The following RPS6KA2 variants were observed in gnomAD, a reference collection of about 807,000 sequenced individuals.
The protein encoded by RPS6KA2 is ribosomal protein S6 kinase A2.
In RPS6KA2, 42 loss-of-function variants were observed where a neutral mutation model predicts 91.8. The observed-to-expected ratio is 0.46, with a 90% CI of 0.36 to 0.59. The LOEUF is 0.59. Among genes scored for constraint, RPS6KA2 ranks in the 20% least tolerant of loss-of-function variants. The probability of loss-of-function intolerance (pLI) is 0.00; values close to 1 mark genes in which losing one functional copy is unlikely to be tolerated. For missense variants in RPS6KA2, 798 were observed against 978.5 expected (o/e 0.82, Z 2.46); for synonymous variants, 414 against 393.6 (o/e 1.05, Z -0.61).
chr6:166,423,169 C>A lies in RPS6KA2; in HGVS notation c.1743+87G>T. 7.1e-7 allele frequency: 1 copy of A among 1,413,414 alleles called. No homozygotes were observed. The highest frequency in any genetic ancestry group is 1.3e-5 in the South Asian group (1 of 74,226). The allele number at this position is 1,413,414 out of a possible 1,614,324, so 87.6% of individuals were successfully genotyped here. A position where few individuals can be genotyped will look rare whatever the true frequency, so the allele number is the denominator to read the frequency against. On this transcript the variant is annotated intron_variant, in intron 17 of 20. Coordinates refer to ENST00000265678, the MANE Select transcript of RPS6KA2 (RefSeq NM_021135.6). The surrounding 1 kb of genome is among the most constrained non-coding windows in gnomAD (Gnocchi z 4.8). ...GCAGCTCAAGCCGCCTCTGACATCCCCGCTGTCCGGTGGCTCTGCAGTGGG... is the reference window on the plus strand; with the variant it reads ...GCAGCTCAAGCCGCCTCTGACATCCACGCTGTCCGGTGGCTCTGCAGTGGG...
intron 2 of RPS6KA2, among the ~76,000 whole-genome samples, chr6:166,772,536 T>C (rs17590608): frequency 0.19 from 29,136 of 152,240 alleles, 3,173 homozygotes; most frequent in Non-Finnish European, 0.25. Flanking sequence ...TCTGTTTCTA[T>C]AACTTGAAAA....
chr6:166,574,574 G>C (rs903053485), intron 1 of RPS6KA2, among the ~76,000 whole-genome samples: 2 of 152,202 alleles, frequency 1.3e-5, no homozygotes, highest in African/African-American at 4.8e-5. Flanking sequence ...GAGCACCTAA[G>C]TTGATTCCAC....
At chr6:166,672,487 G>A (rs912530987) in intron 2 of RPS6KA2, among the ~76,000 whole-genome samples, 13 of 152,196 alleles carry the variant, frequency 8.5e-5, no homozygotes, top group Non-Finnish European at 1.9e-4. Flanking sequence ...CATCGTCTGG[G>A]CTCTGTGGGT....
At chr6:166,816,792 G>A (rs1355972007) in intron 2 of RPS6KA2, among the ~76,000 whole-genome samples, 1 of 152,180 alleles carries the variant, frequency 6.6e-6, no homozygotes, top group East Asian at 1.9e-4. Context: ...ACAAGCAAAT[G>A]TTTACATTTC....
intron 2 of RPS6KA2, among the ~76,000 whole-genome samples, chr6:166,675,533 C>G (rs554504480): frequency 6.6e-6 from 1 of 152,086 alleles, no homozygotes; most frequent in Non-Finnish European, 1.5e-5. Flanking sequence ...AGCCCCAGCG[C>G]GACGTGCTCC....
intron 2 of RPS6KA2, among the ~76,000 whole-genome samples, chr6:166,722,155 T>G (rs1790195255): frequency 6.6e-6 from 1 of 152,034 alleles, no homozygotes; most frequent in Non-Finnish European, 1.5e-5. Context: ...TAGGAGTTGG[T>G]GAAGAAAGTG....
intron 2 of RPS6KA2, among the ~76,000 whole-genome samples, chr6:166,839,293 C>G (rs1254731773): frequency 6.6e-6 from 1 of 152,094 alleles, no homozygotes; most frequent in Non-Finnish European, 1.5e-5. Flanking sequence ...GAATTCATGG[C>G]TATATATTTT....
chr6:166,482,632 C>T (rs1213004041), intron 10 of RPS6KA2, among the ~76,000 whole-genome samples: 3 of 152,154 alleles, frequency 2.0e-5, no homozygotes, highest in Admixed American at 6.5e-5. Context: ...AGGCTTCGGG[C>T]GATGATGAGG....
rs113432244 is a variant in RPS6KA2 at position 166,701,210 on chromosome 6, G to A, written c.123+156990C>T. ...TGGGCAACCTGGCAAGCATAGAAGT[G>A]ACCAGTTATTTTGACAACCACTTGG... On this transcript the variant is annotated intron_variant, in intron 2 of 21. Coordinates refer to the RPS6KA2 transcript ENST00000503859. 7.4e-6 allele frequency: 12 copies of A among 1,612,106 alleles called. No homozygotes were observed. In the African/African-American group the frequency reaches 8.0e-5, roughly 11 times the overall value.
intron 19 of RPS6KA2, among the ~76,000 whole-genome samples, chr6:166,417,801 C>G (rs1301117142): frequency 6.6e-6 from 1 of 152,094 alleles, no homozygotes; most frequent in Non-Finnish European, 1.5e-5. Context: ...TGTGGTGGCT[C>G]ATACCTGTAA....
chr6:166,526,941 T>C (rs1467974961), intron 3 of RPS6KA2, among the ~76,000 whole-genome samples: 1 of 152,248 alleles, frequency 6.6e-6, no homozygotes. Context: ...ACCATGATTA[T>C]TCTGTACACA....
At chr6:166,730,877 C>A (rs1266275617) in intron 2 of RPS6KA2, among the ~76,000 whole-genome samples, 1 of 152,064 alleles carries the variant, frequency 6.6e-6, no homozygotes, top group Non-Finnish European at 1.5e-5. Context: ...GGGTAGTCAT[C>A]CGGTTGAGGT....
At chr6:166,599,683 A>G (rs556430624) in intron 1 of RPS6KA2, among the ~76,000 whole-genome samples, 7 of 152,280 alleles carry the variant, frequency 4.6e-5, no homozygotes, top group Middle Eastern at 3.4e-3. Context: ...GCAACATCTT[A>G]CTCTTATTAA....
chr6:166,626,962 T>C lies in RPS6KA2; in HGVS notation c.58A>G (p.Arg20Gly), dbSNP rs1233285857. Reference protein sequence around the residue: ...VRRFFSVYLRRKSRSKSSSLS... With the variant: ...VRRFFSVYLRGKSRSKSSSLS... Reference sequence around the variant, plus strand: ...CTGGAGCTCTTGGAGCGCGACTTCCTGCGCAGGTACACAGAGAAGAACCTG... The same window carrying C: ...CTGGAGCTCTTGGAGCGCGACTTCCCGCGCAGGTACACAGAGAAGAACCTG... The change falls in exon 1 of 21, where the codon AGG becomes GGG. Residue 20 changes from arginine (R) to glycine (G), a missense_variant. Physicochemically the swap from Arg to Gly is moderately radical, Grantham distance 125. Coordinates refer to ENST00000265678, the MANE Select transcript of RPS6KA2 (RefSeq NM_021135.6). This position sits in a 1 kb window ranked among gnomAD's most constrained non-coding sequence, Gnocchi z 4.1. The C allele has an allele frequency of 1.3e-6, 2 of 1,566,946 alleles. No individual in the cohort carries two copies. The highest frequency in any genetic ancestry group is 1.7e-6 in the Non-Finnish European group (2 of 1,156,188).
chr6:166,562,270 G>A (rs930670825), intron 1 of RPS6KA2, among the ~76,000 whole-genome samples: 4 of 152,152 alleles, frequency 2.6e-5, no homozygotes, highest in African/African-American at 4.8e-5. Context: ...GTAAAATGGC[G>A]TGATCACAGT....
At chr6:166,813,716 T>C (rs1185732751) in intron 2 of RPS6KA2, among the ~76,000 whole-genome samples, 1 of 152,228 alleles carries the variant, frequency 6.6e-6, no homozygotes, top group Non-Finnish European at 1.5e-5. Context: ...GCTTTCTCCC[T>C]GTGAGTCCGT....
intron 2 of RPS6KA2, among the ~76,000 whole-genome samples, chr6:166,684,293 C>T (rs1788936945): frequency 6.6e-6 from 1 of 152,186 alleles, no homozygotes; most frequent in Admixed American, 6.5e-5. Flanking sequence ...GACCCCACAA[C>T]CCAAAAGTTA....
rs978427416 is a variant in RPS6KA2 at position 166,494,460 on chromosome 6, C to A, written c.748-3719G>T. On this transcript the variant is annotated intron_variant, in intron 8 of 20. Coordinates refer to ENST00000265678, the MANE Select transcript of RPS6KA2 (RefSeq NM_021135.6). This position sits in a 1 kb window ranked among gnomAD's most constrained non-coding sequence, Gnocchi z 5.1. Reference sequence around the variant, plus strand: ...CTGAGGCGGGATGTCCAGAACATTCCGTGCCCGTGGTTAAGAAACGGGAGA... The same window carrying A: ...CTGAGGCGGGATGTCCAGAACATTCAGTGCCCGTGGTTAAGAAACGGGAGA... Among the ~76,000 whole-genome samples, 1 of 152,206 alleles carries A rather than the reference C, an allele frequency of 6.6e-6. No individual in the cohort carries two copies. Among genetic ancestry groups the A allele is most frequent in the African/African-American group, 2.4e-5 (1 of 41,440 alleles).
intron 1 of RPS6KA2, among the ~76,000 whole-genome samples, chr6:166,559,955 G>A (rs1246205054): frequency 6.6e-6 from 1 of 152,122 alleles, no homozygotes. Context: ...TCTTCTAATG[G>A]CATTTAAGAA....
Sources: gnomAD v4.1 joint callset for allele counts (sites outside exome capture counted in the v4.1 genomes callset) on GRCh38, gnomAD v4.1.1 for gene constraint, Gnocchi (gnomAD v3.1) non-coding constraint, MANE v1.5 for transcripts, NCBI Gene and HGNC (gene_info 2026-07-23, HGNC 2026-07-21) for gene names.